The following MICU1 variants were observed in gnomAD, a reference collection of about 807,000 sequenced individuals.
The protein encoded by MICU1 is calcium uptake protein 1, mitochondrial.
A neutral mutation model predicts 56.8 loss-of-function variants in MICU1; 45 were observed. The observed-to-expected ratio is 0.79, with a 90% confidence interval of 0.62 to 1.02. The LOEUF is 1.02. Ranked by LOEUF, MICU1 falls within the 50% of genes least tolerant of loss-of-function variation. The pLI is 0.00. For synonymous variants in MICU1, 186 were observed against 195.1 expected (o/e 0.95, Z 0.39); for missense variants, 504 against 587.1 (o/e 0.86, Z 1.46).
At chr10:72,430,947 T>TGGG in intron 8 of MICU1, among the ~76,000 whole-genome samples, 1 of 152,222 alleles carries the variant, frequency 6.6e-6, no homozygotes, top group South Asian at 2.1e-4. Flanking sequence ...TATAAAATGG[T>TGGG]ATCACAGTGG....
chr10:72,614,310 AT>A (rs1234265733), intron 1 of MICU1, among the ~76,000 whole-genome samples: 10 of 152,200 alleles, frequency 6.6e-5, no homozygotes, highest in Admixed American at 3.9e-4. Flanking sequence ...CAGAAAAAGT[AT>A]GGCAGCTCCT....
chr10:72,446,597 GA>G (rs1471984884), intron 8 of MICU1, among the ~76,000 whole-genome samples: 4 of 152,188 alleles, frequency 2.6e-5, no homozygotes, highest in African/African-American at 9.7e-5. Context: ...CCAAAGTGGT[GA>G]GATTACAGAT....
At chr10:72,566,001 G>C (rs544943112) in intron 2 of MICU1, among the ~76,000 whole-genome samples, 116 of 151,028 alleles carry the variant, frequency 7.7e-4, no homozygotes, top group Middle Eastern at 3.4e-3. Flanking sequence ...AATTTCACAG[G>C]GTCACCAAAT....
intron 8 of MICU1, among the ~76,000 whole-genome samples, chr10:72,442,703 GT>G (rs1428795809): frequency 6.6e-6 from 1 of 152,088 alleles, no homozygotes; most frequent in African/African-American, 2.4e-5. Context: ...TTAGTCTTCA[GT>G]GCTATTACAG....
intron 10 of MICU1, among the ~76,000 whole-genome samples, chr10:72,401,838 T>C (rs1258032306): frequency 1.3e-5 from 2 of 152,162 alleles, no homozygotes; most frequent in Non-Finnish European, 2.9e-5. Flanking sequence ...ACTGAAGCTT[T>C]GCACCCTTTG....
In MICU1 at chr10:72,368,275, T is replaced by C. The variant is rs1208098749; in HGVS notation, c.1351A>G (p.Met451Val). 6.2e-7 allele frequency: 1 copy of C among 1,614,036 alleles called. No individual in the cohort carries two copies. The highest frequency in any genetic ancestry group is 1.1e-5 in the South Asian group (1 of 91,090). Residue 451 changes from methionine to valine, a missense_variant, in exon 12 of 12, where the codon ATG becomes GTG. Coordinates refer to ENST00000361114, the MANE Select transcript of MICU1 (RefSeq NM_001195518.2). ...LMRGLEKPKD[M>V]GFTRLMQAMW... is the part of the protein sequence containing the mutation. ...GCCTGCATGAGGCGAGTGAAACCCA[T>C]GTCTTTGGGCTTTTCCAGGCCTCTC...
intron 4 of MICU1, among the ~76,000 whole-genome samples, chr10:72,540,267 CAAAA>C (rs11287541): frequency 3.5e-5 from 3 of 85,460 alleles, no homozygotes. Context: ...AACTCCATCT[CAAAA>C]AAAAAAAAAA....
intron 6 of MICU1, among the ~76,000 whole-genome samples, chr10:72,500,455 G>C (rs771786956): frequency 6.6e-6 from 1 of 150,414 alleles, no homozygotes; most frequent in Non-Finnish European, 1.5e-5. Context: ...CCTAATAGCT[G>C]GGATTACAGG....
intron 11 of MICU1, among the ~76,000 whole-genome samples, chr10:72,372,963 T>C (rs894882987): frequency 2.1e-5 from 3 of 144,186 alleles, no homozygotes; most frequent in Non-Finnish European, 4.6e-5. Context: ...AATGAAAAAA[T>C]ATGAAGTCAC....
At chr10:72,408,388 A>C (rs910690347) in intron 9 of MICU1, among the ~76,000 whole-genome samples, 21 of 152,120 alleles carry the variant, frequency 1.4e-4, no homozygotes, top group Admixed American at 5.2e-4. Flanking sequence ...AGCTGACTGC[A>C]ACCTCCGCCT....
intron 1 of MICU1, among the ~76,000 whole-genome samples, chr10:72,615,716 G>A (rs529155618): frequency 3.3e-5 from 5 of 152,032 alleles, no homozygotes; most frequent in Admixed American, 1.3e-4. Flanking sequence ...GGCCAGGCGC[G>A]GTGGCTCATC....
chr10:72,551,208 G>A lies in MICU1; in HGVS notation c.464C>T (p.Ser155Phe), dbSNP rs1271588782. 1 of 1,607,936 alleles carries A rather than the reference G, an allele frequency of 6.2e-7. No individual in the cohort carries two copies. The highest frequency in any genetic ancestry group is 2.3e-5 in the East Asian group (1 of 44,430). The change falls in exon 4 of 12, where the codon TCC becomes TTC. Residue 155 changes from serine to phenylalanine, a missense_variant. By Grantham distance (155) the Ser-to-Phe change is radical. Transcript: ENST00000361114. Reference sequence around the variant, plus strand: ...TGGTTGTTTTTCATTGGGTGTTATGGATCGCACAAAATCTTCTGGTGTCAT... The same window carrying A: ...TGGTTGTTTTTCATTGGGTGTTATGAATCGCACAAAATCTTCTGGTGTCAT... The part of the protein sequence containing the change: ...VFMTPEDFVR[S>F]ITPNEKQPEH...
At chr10:72,512,107 GTTT>G (rs869183579) in intron 5 of MICU1, among the ~76,000 whole-genome samples, 1 of 29,506 alleles carries the variant, frequency 3.4e-5, no homozygotes, top group African/African-American at 9.3e-5. Context: ...GTTGTTTTTT[GTTT>G]TTTTTTTTTT....
At chr10:72,560,499 C>G (rs1426168554) in intron 3 of MICU1, 1 of 152,148 alleles carries the variant, frequency 6.6e-6, no homozygotes, top group African/African-American at 2.4e-5. Flanking sequence ...ATATGAAGAG[C>G]ATTTTAAGAG....
chr10:72,614,748 G>A (rs907698438), intron 1 of MICU1, among the ~76,000 whole-genome samples: 1 of 152,208 alleles, frequency 6.6e-6, no homozygotes, highest in Non-Finnish European at 1.5e-5. Flanking sequence ...AATGATGGAT[G>A]CCAGAGGTTT....
chr10:72,431,733 C>T (rs1464247072), intron 8 of MICU1, among the ~76,000 whole-genome samples: 8 of 152,130 alleles, frequency 5.3e-5, no homozygotes, highest in African/African-American at 9.7e-5. Flanking sequence ...CCACTCTCTT[C>T]GGTCTAAAAA....
rs1867899333 is a variant in MICU1 at position 72,524,047 on chromosome 10, A to AC, written c.537+9698_537+9699insG. On this transcript the variant is annotated intron_variant, in intron 5 of 11. Coordinates refer to ENST00000361114, the MANE Select transcript of MICU1 (RefSeq NM_001195518.2). ...GAAATTTCAAAAGAAAAAAAGATTA[A>AC]TTTTTAACTTGAAGTTACTGTTGTC... 2.8e-5 allele frequency: 33 copies of AC among 1,168,260 alleles called. No individual in the cohort carries two copies. The South Asian group carries it at 9.4e-4, about 33-fold the overall frequency. 72.4% of individuals were successfully genotyped at this position (1,168,260 alleles called of 1,614,324 possible). A position where few individuals can be genotyped will look rare whatever the true frequency, so the allele number is the denominator to read the frequency against.
At chr10:72,494,847 A>C (rs997969) in intron 6 of MICU1, among the ~76,000 whole-genome samples, 69,394 of 151,444 alleles carry the variant, frequency 0.46, 20,047 homozygotes, top group Non-Finnish European at 0.67. Context: ...GATTCTAAAA[A>C]AAAAAAAAAC....
chr10:72,602,475 G>A (rs949577512), intron 1 of MICU1, among the ~76,000 whole-genome samples: 2 of 151,680 alleles, frequency 1.3e-5, no homozygotes, highest in African/African-American at 2.4e-5. Flanking sequence ...TCATACAACC[G>A]AATAAACCTA....
Sources: allele counts gnomAD v4.1 joint callset (sites outside exome capture counted in the v4.1 genomes callset), GRCh38; gene constraint gnomAD v4.1.1; transcripts MANE v1.5; gene names NCBI Gene and HGNC (gene_info 2026-07-23, HGNC 2026-07-21).